ABCC8: variants seen among roughly 807,000 people sequenced by gnomAD.
ABCC8 encodes ATP binding cassette subfamily C member 8.
Under a neutral mutation model 188.0 loss-of-function variants are expected in ABCC8, and 137 were observed. The observed-to-expected ratio is 0.73, with a 90% CI of 0.63 to 0.84. The LOEUF is 0.84. ABCC8 is among the 40% of genes least tolerant of loss of function. The pLI, the probability that ABCC8 is intolerant of heterozygous loss-of-function variation, is 0.00. For synonymous variants in ABCC8, 797 were observed against 846.5 expected (o/e 0.94, Z 1.01); for missense variants, 1,750 against 2,072.7 (o/e 0.84, Z 3.02).
chr11:17,435,437 T>C (rs1190545820), intron 10 of ABCC8, among the ~76,000 whole-genome samples: 1 of 151,876 alleles, frequency 6.6e-6, no homozygotes. Context: ...AGGCAAGCTG[T>C]AGGCAAAAAA....
intron 2 of ABCC8, among the ~76,000 whole-genome samples, chr11:17,472,847 A>G (rs959803663): frequency 5.3e-5 from 8 of 152,102 alleles, no homozygotes; most frequent in Non-Finnish European, 8.8e-5. Context: ...CACCCTGTCC[A>G]TGCTCGAATT....
At chr11:17,394,841 G>A (rs941078524) in intron 36 of ABCC8, among the ~76,000 whole-genome samples, 4 of 152,124 alleles carry the variant, frequency 2.6e-5, no homozygotes, top group African/African-American at 9.7e-5. Context: ...CCTCCCCTAA[G>A]GCAGAACTGG....
At chr11:17,415,207 T>G (rs1591766841) in intron 18 of ABCC8, 97 bp downstream of exon 18, 1 of 1,515,620 alleles carries the variant, frequency 6.6e-7, no homozygotes, top group Non-Finnish European at 9.0e-7. Context: ...GGGGCTGGGG[T>G]CTGGGGGCTG....
chr11:17,467,069 C>CACACAG (rs1848202380), intron 3 of ABCC8, among the ~76,000 whole-genome samples: 1 of 151,496 alleles, frequency 6.6e-6, no homozygotes, highest in African/African-American at 2.4e-5. Flanking sequence ...CACACACACA[C>CACACAG]ACACACACAC....
At chr11:17,433,927 T>A (rs913329971) in intron 10 of ABCC8, among the ~76,000 whole-genome samples, 3 of 152,176 alleles carry the variant, frequency 2.0e-5, no homozygotes, top group Non-Finnish European at 4.4e-5. Context: ...GCCACAGCCC[T>A]CCTGCACCGT....
chr11:17,413,521 C>T (rs1242837413), intron 19 of ABCC8, 43 bp from the exon 20 acceptor site: 1 of 1,612,670 alleles, frequency 6.2e-7, no homozygotes. Context: ...TCAGCCTGGT[C>T]AGAGTTGGCC....
At chr11:17,440,827 C>T (rs766446814) in intron 10 of ABCC8, among the ~76,000 whole-genome samples, 34 of 152,320 alleles carry the variant, frequency 2.2e-4, no homozygotes, top group Middle Eastern at 3.4e-3. Context: ...GGGATATTTC[C>T]CCAGTCCCCT....
intron 10 of ABCC8, among the ~76,000 whole-genome samples, chr11:17,434,764 T>C (rs546140435): frequency 6.6e-6 from 1 of 152,228 alleles, no homozygotes; most frequent in East Asian, 1.9e-4. Context: ...TAAATAAATT[T>C]AAAAATGAAC....
intron 5 of ABCC8, chr11:17,460,881 G>T: frequency 1.0e-6 from 1 of 994,084 alleles, no homozygotes; most frequent in Non-Finnish European, 1.4e-6. Flanking sequence ...GGTCTAGATG[G>T]GGAAACTAAG....
intron 8 of ABCC8, among the ~76,000 whole-genome samples, chr11:17,445,581 G>A (rs898163742): frequency 6.6e-6 from 1 of 152,192 alleles, no homozygotes; most frequent in Non-Finnish European, 1.5e-5. Flanking sequence ...AAAGCCTTAC[G>A]TGCCCTGTGG....
At chr11:17,406,859 C>G in intron 25 of ABCC8, 29 bp downstream of exon 25, 12 of 1,614,160 alleles carry the variant, frequency 7.4e-6, no homozygotes, top group Non-Finnish European at 1.0e-5. Context: ...TCCCCACTCC[C>G]AACCTCTGCC....
rs1236063818 is a variant in ABCC8, at chr11:17,474,659, T to C, written c.290+227A>G. Among the ~76,000 whole-genome samples the C allele has an allele frequency of 3.3e-5, 5 of 152,128 alleles. No homozygotes were observed. The East Asian group carries it at 9.6e-4, about 29-fold the overall frequency. On this transcript the variant is annotated intron_variant, in intron 2 of 38. Transcript: ENST00000389817. The stretch of plus-strand genomic sequence containing the variant: ...AGCATTATTTCACTGGGACTTGGCA[T>C]GCAGGTCCGTGTTCCCTCTGCTCTC...
Position 17,427,351 on chromosome 11 carries a change from C to T in ABCC8, c.2117-197G>A. On this transcript the variant is annotated intron_variant, in intron 15 of 38. Transcript: ENST00000389817. The surrounding 1 kb of genome is among the most constrained non-coding windows in gnomAD (Gnocchi z 5.0). ...AACATCCTCCTCTGGCTCCCCAGGT[C>T]CTTCCCCCTCTCTGATTTCCTGCCC... 9.1e-6 allele frequency: 6 copies of T among 659,306 alleles called. No individual in the cohort carries two copies. Among genetic ancestry groups the T allele is most frequent in the Non-Finnish European group, 1.1e-5 (6 of 532,352 alleles). 40.8% of individuals were successfully genotyped at this position (659,306 alleles called of 1,614,324 possible).
At chr11:17,429,009 T>G in intron 12 of ABCC8, 1 of 374,286 alleles carries the variant, frequency 2.7e-6, no homozygotes. Flanking sequence ...GGACTAGGAT[T>G]GGTAAAGAAT....
rs762053701 is a variant in ABCC8, at chr11:17,453,109, A to G, written c.1176+10T>C. ...CTTATGGCAAAGTGAAAAAATAATC[A>G]TCCAAGTACCTGTATTGCTCCTCTC... is the stretch of plus-strand genomic sequence containing the variant. On this transcript the variant is annotated intron_variant, in intron 7 of 38. Coordinates refer to ENST00000389817, the MANE Select transcript of ABCC8 (RefSeq NM_000352.6). 6.2e-7 allele frequency: 1 copy of G among 1,607,296 alleles called. No individual in the cohort carries two copies. Among genetic ancestry groups the G allele is most frequent in the South Asian group, 1.1e-5 (1 of 90,940 alleles).
At chr11:17,475,956 A>G (rs1848743851) in intron 1 of ABCC8, among the ~76,000 whole-genome samples, 1 of 152,210 alleles carries the variant, frequency 6.6e-6, no homozygotes, top group African/African-American at 2.4e-5. Flanking sequence ...CTTTGCAAGC[A>G]AGGGCGCCGG....
chr11:17,475,138 T>A, intron 1 of ABCC8, 111 bp from the exon 2 acceptor site: 1 of 1,489,856 alleles, frequency 6.7e-7, no homozygotes, highest in Non-Finnish European at 9.1e-7. Flanking sequence ...GGGTGACACC[T>A]ACACATGAGG....
Position 17,392,897 on chromosome 11 carries a change from A to C in ABCC8, c.*94T>G. On this transcript the variant is annotated 3_prime_UTR_variant, in exon 39 of 39. Coordinates refer to ENST00000389817, the MANE Select transcript of ABCC8 (RefSeq NM_000352.6). ...TTAGGGCCTCTAGTAGGAAATAATC[A>C]AATCTATTTATTTACAAGTGATTTA... The C allele has an allele frequency of 6.8e-7, 1 of 1,462,552 alleles. No individual in the cohort carries two copies. Among genetic ancestry groups the C allele is most frequent in the Non-Finnish European group, 9.5e-7 (1 of 1,051,118 alleles). The allele number at this position is 1,462,552 out of a possible 1,614,324, so 90.6% of individuals were successfully genotyped here.
intron 16 of ABCC8, among the ~76,000 whole-genome samples, chr11:17,424,979 G>T (rs1955516800): frequency 6.6e-6 from 1 of 152,158 alleles, no homozygotes; most frequent in African/African-American, 2.4e-5. Flanking sequence ...GCCCATAGGA[G>T]GTACCCAATA....
Sources: allele counts gnomAD v4.1 joint callset (sites outside exome capture counted in the v4.1 genomes callset), GRCh38; gene constraint gnomAD v4.1.1; non-coding constraint Gnocchi (gnomAD v3.1); transcripts MANE v1.5; gene names NCBI Gene and HGNC (gene_info 2026-07-23, HGNC 2026-07-21).